The following ANKRD31 variants were observed in gnomAD, a reference collection of about 807,000 sequenced individuals.
ANKRD31 encodes ankyrin repeat domain-containing protein 31.
In ANKRD31, 147 loss-of-function variants were observed where a neutral mutation model predicts 186.0. The ratio of observed to expected loss-of-function variants is 0.79; its 90% CI spans 0.69 to 0.91. The LOEUF (loss-of-function observed/expected upper bound fraction) is 0.91, where lower values mean the gene tolerates loss of function less well. Among genes scored for constraint, ANKRD31 ranks in the 40% least tolerant of loss-of-function variants. ANKRD31 has a pLI of 0.00. For synonymous variants in ANKRD31, 673 were observed against 736.4 expected, an observed-to-expected ratio of 0.91 and a Z score of 1.39; for missense variants, 1,986 against 2,148.8, an observed-to-expected ratio of 0.92 and a Z score of 1.50.
At chr5:75,193,199 T>C in intron 8 of ANKRD31, 112 bp downstream of exon 8, 1 of 1,224,432 alleles carries the variant, frequency 8.2e-7, no homozygotes. Context: ...ATATAAAAAA[T>C]AAAGCTCTTT....
intron 22 of ANKRD31, among the ~76,000 whole-genome samples, chr5:75,101,659 C>T (rs569863406): frequency 2.0e-5 from 3 of 152,268 alleles, no homozygotes; most frequent in Non-Finnish European, 2.9e-5. Context: ...CTTCTCCTCT[C>T]GCTTCATTTC....
At chr5:75,162,882 T>C (rs2150176610) in intron 11 of ANKRD31, among the ~76,000 whole-genome samples, 1 of 151,924 alleles carries the variant, frequency 6.6e-6, no homozygotes, top group African/African-American at 2.4e-5. Flanking sequence ...GAAAAAAAAA[T>C]CTTGAGTTCA....
intron 7 of ANKRD31, among the ~76,000 whole-genome samples, chr5:75,195,033 T>C (rs147614378): frequency 6.6e-6 from 1 of 152,258 alleles, no homozygotes; most frequent in East Asian, 1.9e-4. Context: ...CAAAGGGACT[T>C]TGTGAGTGAT....
At chr5:75,188,137 G>A (rs1464264226) in intron 10 of ANKRD31, among the ~76,000 whole-genome samples, 1 of 152,060 alleles carries the variant, frequency 6.6e-6, no homozygotes, top group Admixed American at 6.6e-5. Context: ...ACAGCTCAGT[G>A]CACCATCAGC....
chr5:75,222,839 T>A (rs867329063), intron 2 of ANKRD31, among the ~76,000 whole-genome samples: 6 of 152,188 alleles, frequency 3.9e-5, no homozygotes, highest in Middle Eastern at 3.2e-3. Flanking sequence ...ACTTTCTTTA[T>A]CCATTGATAG....
At chr5:75,223,170 T>G (rs905453079) in intron 2 of ANKRD31, among the ~76,000 whole-genome samples, 1 of 152,232 alleles carries the variant, frequency 6.6e-6, no homozygotes, top group Non-Finnish European at 1.5e-5. Context: ...CTTGTGGTTT[T>G]AATTTGCATT....
At chr5:75,095,726 C>A (rs1746269769) in intron 22 of ANKRD31, among the ~76,000 whole-genome samples, 2 of 152,096 alleles carry the variant, frequency 1.3e-5, no homozygotes, top group South Asian at 2.1e-4. Context: ...AGTAGTGATG[C>A]TGGCATACTG....
At position 75,147,445 on chromosome 5, in the gene ANKRD31, G is replaced by T; in HGVS notation, c.1966C>A (p.Gln656Lys). The change falls in exon 14 of 26, where the codon CAG becomes AAG. Residue 656 changes from glutamine to lysine, a missense_variant. By Grantham distance (53) the Gln-to-Lys change is moderately conservative. Transcript: ENST00000506364. ...TTGACTTTTACATGTTCCAGCTTCTGTCTGTTGGAATTTTCATTATAAACA... is the reference window on the plus strand; with the variant it reads ...TTGACTTTTACATGTTCCAGCTTCTTTCTGTTGGAATTTTCATTATAAACA... ...WHVYNENSNR[Q>K]KLEHVKVNKG... is the part of the protein sequence containing the mutation. The T allele has an allele frequency of 6.7e-7, 1 of 1,498,546 alleles. No homozygotes were observed. Among genetic ancestry groups the T allele is most frequent in the Admixed American group, 2.4e-5 (1 of 41,606 alleles). The allele number at this position is 1,498,546 out of a possible 1,614,324, so 92.8% of individuals were successfully genotyped here.
intron 9 of ANKRD31, among the ~76,000 whole-genome samples, chr5:75,189,865 C>G (rs1754985018): frequency 6.6e-6 from 1 of 152,064 alleles, no homozygotes; most frequent in Non-Finnish European, 1.5e-5. Flanking sequence ...TATGGTTCCT[C>G]TTTTTTAGCT....
intron 17 of ANKRD31, among the ~76,000 whole-genome samples, chr5:75,128,664 C>T (rs1749459824): frequency 7.3e-6 from 1 of 137,860 alleles, no homozygotes; most frequent in Non-Finnish European, 1.6e-5. Context: ...CCATCATTCC[C>T]AGCTAATTTT....
rs112006121 is a variant in ANKRD31 at position 75,137,541 on chromosome 5, T to A, written c.3876+315A>T. Among the ~76,000 whole-genome samples the A allele has an allele frequency of 3.4e-3, 519 of 152,266 alleles. 3 individuals are homozygous for A. The highest frequency in any genetic ancestry group is 5.8e-3 in the Admixed American group (89 of 15,296). ...ACACATATCATCACTATAATTAGAC[T>A]CTTCTGTGCACAACAGCAAATTATC... is the stretch of plus-strand genomic sequence containing the variant. On this transcript the variant is annotated intron_variant, in intron 17 of 25. Transcript: ENST00000506364.
chr5:75,141,802 A>AAAC (rs945292182), intron 15 of ANKRD31, among the ~76,000 whole-genome samples: 6 of 152,072 alleles, frequency 3.9e-5, no homozygotes, highest in Admixed American at 2.0e-4. Flanking sequence ...ACCCTGTCTC[A>AAAC]AACAACAACA....
chr5:75,211,718 T>G (rs1032172743), intron 3 of ANKRD31, among the ~76,000 whole-genome samples: 4 of 152,184 alleles, frequency 2.6e-5, no homozygotes, highest in African/African-American at 9.6e-5. Context: ...TATTTCATTG[T>G]GATTTTGATT....
chr5:75,206,266 T>A (rs867106674), intron 5 of ANKRD31, 145 bp downstream of exon 5: 2 of 4,164 alleles, frequency 4.8e-4, no homozygotes, highest in Non-Finnish European at 6.4e-4. Flanking sequence ...TATATATATA[T>A]ATATATATAT....
At chr5:75,177,491 G>A (rs956651043) in intron 10 of ANKRD31, among the ~76,000 whole-genome samples, 12 of 152,184 alleles carry the variant, frequency 7.9e-5, no homozygotes, top group East Asian at 3.9e-4. Flanking sequence ...GAGAAAGGTC[G>A]AGTTACCAAC....
intron 16 of ANKRD31, 98 bp from the exon 17 acceptor site, chr5:75,138,096 C>A: frequency 4.7e-6 from 5 of 1,056,206 alleles, no homozygotes; most frequent in Non-Finnish European, 5.0e-6. Flanking sequence ...AATGCAATAT[C>A]CATATTGATT....
chr5:75,081,827 G>A (rs1440342189), intron 24 of ANKRD31, among the ~76,000 whole-genome samples: 1 of 152,090 alleles, frequency 6.6e-6, no homozygotes, highest in Non-Finnish European at 1.5e-5. Context: ...AAGTAAAGGG[G>A]TGAATATCAA....
intron 10 of ANKRD31, among the ~76,000 whole-genome samples, chr5:75,173,860 C>A (rs1753559457): frequency 6.6e-6 from 1 of 152,050 alleles, no homozygotes; most frequent in South Asian, 2.1e-4. Context: ...TGACTCTTCA[C>A]AGAATTGGAA....
rs1752014009 is a variant in ANKRD31 at position 75,154,214 on chromosome 5, T to A, written c.1839A>T (p.Lys613Asn). 1 of 1,520,348 alleles carries A rather than the reference T, an allele frequency of 6.6e-7. No homozygotes were observed. The highest frequency in any genetic ancestry group is 8.8e-7 in the Non-Finnish European group (1 of 1,138,364). 94.2% of individuals were successfully genotyped at this position (1,520,348 alleles called of 1,614,324 possible). A position where few individuals can be genotyped will look rare whatever the true frequency, so the allele number is the denominator to read the frequency against. ...GTTTAATCTTACCTGATGTAAGGCA[T>A]TTTTGATGTTTAGGGATATATCTCT... Reference protein sequence around the residue: ...LLERYIPKHQKCLTSAQRSSI... With the variant: ...LLERYIPKHQNCLTSAQRSSI... Residue 613 changes from lysine to asparagine, a missense_variant, in exon 12 of 26, where the codon AAA (lysine) becomes AAT (asparagine). Coordinates refer to ENST00000506364, the MANE Select transcript of ANKRD31 (RefSeq NM_001372053.1).
Sources: gnomAD v4.1 joint callset for allele counts (sites outside exome capture counted in the v4.1 genomes callset) on GRCh38, gnomAD v4.1.1 for gene constraint, MANE v1.5 for transcripts, NCBI Gene and HGNC (gene_info 2026-07-23, HGNC 2026-07-21) for gene names.